The following LHFPL6 variants were observed in gnomAD, a reference collection of about 807,000 sequenced individuals.
The protein encoded by LHFPL6 is LHFPL tetraspan subfamily member 6 protein.
Under a neutral mutation model 20.6 loss-of-function variants are expected in LHFPL6, and 9 were observed. That is an observed-to-expected ratio of 0.44 (90% CI 0.26 to 0.76). The LOEUF is 0.76. Ranked by LOEUF, LHFPL6 falls within the 30% of genes least tolerant of loss-of-function variation. The pLI is 0.20. For synonymous variants in LHFPL6, 105 were observed against 98.7 expected, an observed-to-expected ratio of 1.06 and a Z score of -0.38; for missense variants, 218 against 253.5, an observed-to-expected ratio of 0.86 and a Z score of 0.95.
chr13:39,524,852 G>C lies in LHFPL6; in HGVS notation c.385+75980C>G, dbSNP rs529699050. On this transcript the variant is annotated intron_variant, in intron 2 of 3. Transcript: ENST00000379589. ...AAATGTTATGAGGAAATAGAAAATTGCACTAAAATTGCATATAACTGAGGG... is the reference window on the plus strand; with the variant it reads ...AAATGTTATGAGGAAATAGAAAATTCCACTAAAATTGCATATAACTGAGGG... Among the ~76,000 whole-genome samples, 19 of 152,264 alleles carry C rather than the reference G, an allele frequency of 1.2e-4. No individual in the cohort carries two copies. In the South Asian group the frequency reaches 3.1e-3, roughly 25 times the overall value.
intron 2 of LHFPL6, among the ~76,000 whole-genome samples, chr13:39,577,443 G>T (rs898877990): frequency 6.6e-6 from 1 of 152,160 alleles, no homozygotes; most frequent in Non-Finnish European, 1.5e-5. Flanking sequence ...CAAGTTAAAA[G>T]AATGAAACTC....
intron 3 of LHFPL6, among the ~76,000 whole-genome samples, chr13:39,369,057 G>T: frequency 6.8e-6 from 1 of 146,976 alleles, no homozygotes. Flanking sequence ...ATCTGAAAAG[G>T]CAAACTCAGG....
chr13:39,506,033 T>A (rs1869466678), intron 2 of LHFPL6, among the ~76,000 whole-genome samples: 1 of 152,142 alleles, frequency 6.6e-6, no homozygotes, highest in Admixed American at 6.5e-5. Flanking sequence ...TCAAAACTGA[T>A]CACCTTGTCA....
intron 2 of LHFPL6, among the ~76,000 whole-genome samples, chr13:39,519,663 A>G (rs1259519609): frequency 6.6e-6 from 1 of 152,232 alleles, no homozygotes; most frequent in Non-Finnish European, 1.5e-5. Context: ...CACACAAGAA[A>G]TATGTAATCC....
Position 39,354,563 on chromosome 13 carries a change from A to G in LHFPL6, c.485-10509T>C, listed in dbSNP as rs115483336. Among the ~76,000 whole-genome samples the G allele has an allele frequency of 3.5e-3, 527 of 152,310 alleles. 2 individuals carry two copies. Among genetic ancestry groups the G allele is most frequent in the African/African-American group, 0.012 (506 of 41,564 alleles). The stretch of plus-strand genomic sequence containing the variant: ...GATTAAAATGGCTCAAATAACAGAC[A>G]CAGAATTCAGAATATGGATGGGAAA... On this transcript the variant is annotated intron_variant, in intron 3 of 3. Coordinates refer to ENST00000379589, the MANE Select transcript of LHFPL6 (RefSeq NM_005780.3).
chr13:39,438,194 C>G (rs149374079), intron 2 of LHFPL6, among the ~76,000 whole-genome samples: 1 of 152,168 alleles, frequency 6.6e-6, no homozygotes, highest in Non-Finnish European at 1.5e-5. Flanking sequence ...ACTTTTGCTA[C>G]GCTTTAGCAC....
chr13:39,452,319 C>G (rs894380877), intron 2 of LHFPL6, among the ~76,000 whole-genome samples: 31 of 152,092 alleles, frequency 2.0e-4, no homozygotes, highest in African/African-American at 7.2e-4. Context: ...TAGGAGGACT[C>G]CATATTTGAA....
chr13:39,496,106 T>C (rs1341797028), intron 2 of LHFPL6, among the ~76,000 whole-genome samples: 1 of 152,198 alleles, frequency 6.6e-6, no homozygotes, highest in Non-Finnish European at 1.5e-5. Flanking sequence ...CTCAGCCAAC[T>C]TGATCCCTTG....
intron 2 of LHFPL6, among the ~76,000 whole-genome samples, chr13:39,518,673 T>C (rs1870006956): frequency 6.6e-6 from 1 of 152,218 alleles, no homozygotes; most frequent in Non-Finnish European, 1.5e-5. Flanking sequence ...TTTGTATCCT[T>C]CTACAATAGT....
chr13:39,452,940 C>G (rs556727661), intron 2 of LHFPL6, among the ~76,000 whole-genome samples: 1 of 152,290 alleles, frequency 6.6e-6, no homozygotes, highest in Non-Finnish European at 1.5e-5. Context: ...TTCCTTCCCC[C>G]AGAGATAGTG....
At chr13:39,433,204 A>G (rs140715923) in intron 2 of LHFPL6, among the ~76,000 whole-genome samples, 375 of 152,350 alleles carry the variant, frequency 2.5e-3, no homozygotes, top group Middle Eastern at 0.014. Flanking sequence ...GAAACAACTA[A>G]TTTGGTGAGT....
chr13:39,448,842 A>C (rs75953567), intron 2 of LHFPL6, among the ~76,000 whole-genome samples: 1,725 of 152,364 alleles, frequency 0.011, 38 homozygotes, highest in African/African-American at 0.039. Flanking sequence ...TTTCAGGACA[A>C]AACTAAGAGT....
At position 39,344,040 on chromosome 13, in the gene LHFPL6, C is replaced by T. The variant is rs1174489816; in HGVS notation, c.499G>A (p.Gly167Ser). Residue 167 changes from glycine to serine, a missense_variant, in exon 4 of 4, where the codon GGC becomes AGC. Transcript: ENST00000379589. Reference protein sequence around the residue: ...GQFDLGKCEIGWAYYCTGAGA... With the variant: ...GQFDLGKCEISWAYYCTGAGA... ...GCTCCCGTGCAGTAGTAGGCCCAGC[C>T]GATTTCACACTTCCCTAAGGACAAA... 3 of 1,611,126 alleles carry T rather than the reference C, an allele frequency of 1.9e-6. No individual in the cohort carries two copies. The highest frequency in any genetic ancestry group is 2.5e-6 in the Non-Finnish European group (3 of 1,178,002).
chr13:39,357,558 A>G (rs1400772609), intron 3 of LHFPL6, among the ~76,000 whole-genome samples: 2 of 152,218 alleles, frequency 1.3e-5, no homozygotes, highest in East Asian at 3.9e-4. Flanking sequence ...AAGTCAAACT[A>G]TCTCTCTTTG....
At chr13:39,532,829 T>C (rs1254833361) in intron 2 of LHFPL6, among the ~76,000 whole-genome samples, 1 of 152,186 alleles carries the variant, frequency 6.6e-6, no homozygotes, top group African/African-American at 2.4e-5. Context: ...CCACATTGCA[T>C]GCTGTATCCT....
intron 2 of LHFPL6, among the ~76,000 whole-genome samples, chr13:39,450,501 T>C (rs565188524): frequency 2.0e-5 from 3 of 152,146 alleles, no homozygotes; most frequent in Non-Finnish European, 4.4e-5. Context: ...TATGTGTATG[T>C]GGGTGTGTGG....
At chr13:39,426,719 C>G (rs1192996805) in intron 2 of LHFPL6, among the ~76,000 whole-genome samples, 1 of 152,218 alleles carries the variant, frequency 6.6e-6, no homozygotes. Flanking sequence ...AAATAGTTTG[C>G]TTACCCTTAG....
chr13:39,432,195 C>T lies in LHFPL6; in HGVS notation c.386-53669G>A, dbSNP rs73460961. The stretch of plus-strand genomic sequence containing the variant: ...CCTCCAACTGTGAGGAAATGAGTTT[C>T]TTTTATTTCAAAATTACCAGTCTGT... On this transcript the variant is annotated intron_variant, in intron 2 of 3. Transcript: ENST00000379589. 2.3e-3 allele frequency among the ~76,000 whole-genome samples: 351 copies of T among 152,274 alleles called. 2 individuals are homozygous for T. The highest frequency in any genetic ancestry group is 7.7e-3 in the African/African-American group (319 of 41,556).
intron 2 of LHFPL6, among the ~76,000 whole-genome samples, chr13:39,518,704 A>G (rs1870008072): frequency 6.6e-6 from 1 of 152,154 alleles, no homozygotes; most frequent in African/African-American, 2.4e-5. Flanking sequence ...TTTTGCATCT[A>G]CTAGAACCAC....
Sources: allele counts gnomAD v4.1 joint callset (sites outside exome capture counted in the v4.1 genomes callset), GRCh38; gene constraint gnomAD v4.1.1; transcripts MANE v1.5; gene names NCBI Gene and HGNC (gene_info 2026-07-23, HGNC 2026-07-21).